Variants in NTRK3 observed in about 807,000 individuals in gnomAD.
NTRK3 encodes neurotrophic receptor tyrosine kinase 3.
NTRK3 carries 24 observed loss-of-function variants against 91.7 expected under a neutral mutation model. The ratio of observed to expected loss-of-function variants is 0.26; its 90% CI spans 0.19 to 0.37. The LOEUF (loss-of-function observed/expected upper bound fraction) is 0.37, where lower values mean the gene tolerates loss of function less well. NTRK3 is among the 10% of genes least tolerant of loss of function. The pLI is 1.00. For missense variants in NTRK3, 880 were observed against 1,068.9 expected, an observed-to-expected ratio of 0.82 and a Z score of 2.46; for synonymous variants, 483 against 404.0, an observed-to-expected ratio of 1.20 and a Z score of -2.34.
At chr15:87,901,900 T>C (rs2066480458) in intron 17 of NTRK3, among the ~76,000 whole-genome samples, 1 of 152,156 alleles carries the variant, frequency 6.6e-6, no homozygotes, top group Non-Finnish European at 1.5e-5. Flanking sequence ...ACCAAAGTTC[T>C]TATTCACCAC....
At chr15:88,253,726 C>T (rs2053684204) in intron 3 of NTRK3, among the ~76,000 whole-genome samples, 1 of 152,264 alleles carries the variant, frequency 6.6e-6, no homozygotes, top group East Asian at 1.9e-4. Context: ...CTGATGGCCT[C>T]TCAGAATCCA....
At chr15:88,067,623 G>A (rs942941432) in intron 13 of NTRK3, among the ~76,000 whole-genome samples, 3 of 152,196 alleles carry the variant, frequency 2.0e-5, no homozygotes, top group Non-Finnish European at 2.9e-5. Flanking sequence ...CAGAGAGGAC[G>A]TGGGAGGGGG....
intron 14 of NTRK3, among the ~76,000 whole-genome samples, chr15:87,974,986 G>A (rs1282580341): frequency 6.6e-6 from 1 of 152,168 alleles, no homozygotes; most frequent in Non-Finnish European, 1.5e-5. Context: ...ATTTTGAGGT[G>A]TCAGGCAGTC....
At chr15:87,870,804 C>T (rs1199071521) in exon 19 of NTRK3, 2 of 223,126 alleles carry the variant, frequency 9.0e-6, no homozygotes, top group Non-Finnish European at 1.8e-5. Flanking sequence ...TTCAACAGGC[C>T]TTTCCTCACC....
chr15:87,902,078 T>C (rs970791937), intron 17 of NTRK3, among the ~76,000 whole-genome samples: 4 of 152,206 alleles, frequency 2.6e-5, no homozygotes, highest in African/African-American at 9.7e-5. Flanking sequence ...GAATTTTCAT[T>C]CAGAAATATC....
At chr15:88,131,376 G>C (rs2041327961) in intron 10 of NTRK3, among the ~76,000 whole-genome samples, 1 of 152,204 alleles carries the variant, frequency 6.6e-6, no homozygotes, top group Non-Finnish European at 1.5e-5. Flanking sequence ...CTGTGATGGA[G>C]TCCTTCAAAG....
chr15:88,038,675 T>G (rs1271135942), intron 13 of NTRK3, among the ~76,000 whole-genome samples: 1 of 152,034 alleles, frequency 6.6e-6, no homozygotes, highest in Non-Finnish European at 1.5e-5. Flanking sequence ...TTTACTTGAT[T>G]TTGCTGTGAA....
At chr15:88,014,004 C>A (rs957854959) in intron 14 of NTRK3, among the ~76,000 whole-genome samples, 2 of 152,186 alleles carry the variant, frequency 1.3e-5, no homozygotes, top group African/African-American at 4.8e-5. Context: ...GCCAGTGCAG[C>A]AAAGTGGCAG....
chr15:88,123,455 C>T (rs928557619), intron 13 of NTRK3, among the ~76,000 whole-genome samples: 16 of 152,222 alleles, frequency 1.1e-4, no homozygotes, highest in Admixed American at 7.8e-4. Context: ...TGCTCGCTGG[C>T]AATAAAAGAT....
At chr15:87,904,646 T>C (rs899347637) in intron 17 of NTRK3, among the ~76,000 whole-genome samples, 3 of 152,220 alleles carry the variant, frequency 2.0e-5, no homozygotes, top group African/African-American at 7.2e-5. Context: ...ATGGGTATTA[T>C]TCTTTTAAGC....
At chr15:87,908,113 C>G (rs770179504) in intron 17 of NTRK3, among the ~76,000 whole-genome samples, 17 of 152,182 alleles carry the variant, frequency 1.1e-4, no homozygotes, top group Non-Finnish European at 2.4e-4. Context: ...GTCACACCTC[C>G]TGAAATGCAA....
intron 5 of NTRK3, among the ~76,000 whole-genome samples, chr15:88,174,642 A>G (rs2045827612): frequency 6.6e-6 from 1 of 152,236 alleles, no homozygotes; most frequent in Non-Finnish European, 1.5e-5. Context: ...GCTCTAGCAG[A>G]AAGTCCAGGG....
intron 5 of NTRK3, among the ~76,000 whole-genome samples, chr15:88,176,125 A>G (rs1382650235): frequency 6.9e-6 from 1 of 145,938 alleles, no homozygotes; most frequent in Non-Finnish European, 1.5e-5. Context: ...ATATTTGCCT[A>G]TATGCCCCTT....
chr15:87,983,829 A>T (rs1596523769), intron 14 of NTRK3, among the ~76,000 whole-genome samples: 1 of 152,250 alleles, frequency 6.6e-6, no homozygotes, highest in Middle Eastern at 3.4e-3. Context: ...CCACTTCAAC[A>T]AGTTCTAAAC....
intron 17 of NTRK3, among the ~76,000 whole-genome samples, chr15:87,911,533 G>T (rs1020497591): frequency 2.6e-5 from 4 of 152,174 alleles, no homozygotes; most frequent in Non-Finnish European, 4.4e-5. Context: ...CACAATAAGG[G>T]TAACTTCCTG....
At chr15:87,999,083 C>T (rs2075916918) in intron 14 of NTRK3, among the ~76,000 whole-genome samples, 1 of 152,158 alleles carries the variant, frequency 6.6e-6, no homozygotes, top group South Asian at 2.1e-4. Flanking sequence ...CTTCTCAAAG[C>T]TTCTCTCCCC....
At chr15:88,159,540 G>A (rs1194172539) in intron 5 of NTRK3, among the ~76,000 whole-genome samples, 1 of 152,208 alleles carries the variant, frequency 6.6e-6, no homozygotes, top group Non-Finnish European at 1.5e-5. Context: ...AAGAACCACT[G>A]ATCTGGTGAA....
At chr15:88,144,217 C>T (rs1000424001) in intron 6 of NTRK3, 1 of 152,154 alleles carries the variant, frequency 6.6e-6, no homozygotes, top group African/African-American at 2.4e-5. Context: ...CACAATGCCA[C>T]GTCAAATTTT....
chr15:88,041,104 G>C (rs2079561307), intron 13 of NTRK3, among the ~76,000 whole-genome samples: 1 of 152,148 alleles, frequency 6.6e-6, no homozygotes, highest in South Asian at 2.1e-4. Flanking sequence ...GAATACATGA[G>C]CCTATATACA....
Sources: gnomAD v4.1 joint callset for allele counts (sites outside exome capture counted in the v4.1 genomes callset) on GRCh38, gnomAD v4.1.1 for gene constraint, MANE v1.5 for transcripts, NCBI Gene and HGNC (gene_info 2026-07-23, HGNC 2026-07-21) for gene names.